The following BCL7A variants were observed in gnomAD, a reference collection of about 807,000 sequenced individuals.
The protein encoded by BCL7A is B-cell CLL/lymphoma 7 protein family member A.
A neutral mutation model predicts 28.4 loss-of-function variants in BCL7A; 11 were observed. The observed-to-expected ratio is 0.39, with a 90% CI of 0.24 to 0.64. BCL7A has a LOEUF of 0.64. BCL7A is among the 30% of genes least tolerant of loss of function. The pLI is 0.50. For missense variants in BCL7A, 222 were observed against 274.8 expected, an observed-to-expected ratio of 0.81 and a Z score of 1.36; for synonymous variants, 123 against 103.3, an observed-to-expected ratio of 1.19 and a Z score of -1.15.
intron 4 of BCL7A, among the ~76,000 whole-genome samples, chr12:122,045,467 G>T (rs1884055867): frequency 6.6e-6 from 1 of 152,126 alleles, no homozygotes; most frequent in East Asian, 1.9e-4. Flanking sequence ...CCACTGCCTG[G>T]CCTGGGTTTT....
chr12:122,024,047 G>A (rs1028168714), intron 1 of BCL7A, among the ~76,000 whole-genome samples: 66 of 152,276 alleles, frequency 4.3e-4, no homozygotes, highest in African/African-American at 1.5e-3. Flanking sequence ...AGGGAGGGCA[G>A]ATGGAGAGAT....
rs760353756 is a variant in BCL7A at position 122,059,642 on chromosome 12, G to T, written c.*479G>T. 2 of 233,812 alleles carry T rather than the reference G, an allele frequency of 8.6e-6. No homozygotes were observed. The highest frequency in any genetic ancestry group is 1.7e-5 in the Non-Finnish European group (2 of 118,530). The allele number at this position is 233,812 out of a possible 1,614,324, so 14.5% of individuals were successfully genotyped here. The stretch of plus-strand genomic sequence containing the variant: ...CCTGGTGGTTCTTACATCCCCCTCT[G>T]CAAAGTGCCCTCTTGGTTTGGTTCG... On this transcript the variant is annotated 3_prime_UTR_variant, in exon 6 of 6. Coordinates refer to ENST00000261822, the MANE Select transcript of BCL7A (RefSeq NM_001024808.3). The surrounding 1 kb of genome is among the most constrained non-coding windows in gnomAD (Gnocchi z 4.0).
intron 4 of BCL7A, among the ~76,000 whole-genome samples, chr12:122,051,058 G>A (rs1884182393): frequency 6.6e-6 from 1 of 152,190 alleles, no homozygotes; most frequent in Non-Finnish European, 1.5e-5. Context: ...CACGTTGGGG[G>A]TGTGTGTCTC....
In BCL7A at chr12:122,034,826, C is replaced by A. The variant is rs1031390925; in HGVS notation, c.175-505C>A. On this transcript the variant is annotated intron_variant, in intron 2 of 5. Transcript: ENST00000261822. ...TCCCGGGGTCCTCCCTCCTTTCTCC[C>A]GGGGTCTTCCTTCCTAACTCCTCTT... is the stretch of plus-strand genomic sequence containing the variant. Among the ~76,000 whole-genome samples the A allele has an allele frequency of 2.0e-5, 3 of 152,240 alleles. No homozygotes were observed. In the East Asian group the frequency reaches 5.8e-4, roughly 29 times the overall value.
At chr12:122,024,129 C>A (rs529787230) in intron 1 of BCL7A, among the ~76,000 whole-genome samples, 1 of 152,330 alleles carries the variant, frequency 6.6e-6, no homozygotes, top group South Asian at 2.1e-4. Context: ...CCGCGGGGAC[C>A]AGGCCTGTAG....
chr12:122,055,340 T>C (rs1183491587), intron 5 of BCL7A, among the ~76,000 whole-genome samples: 7 of 152,228 alleles, frequency 4.6e-5, no homozygotes, highest in Non-Finnish European at 1.0e-4. Context: ...CTGGCCCCAC[T>C]TGCACTGCAT....
intron 3 of BCL7A, 121 bp downstream of exon 3, chr12:122,035,548 G>A (rs1234834288): frequency 4.9e-6 from 4 of 821,778 alleles, no homozygotes; most frequent in African/African-American, 1.7e-5. Flanking sequence ...AGGAGGGCTG[G>A]GCAGGGCCCG....
intron 1 of BCL7A, among the ~76,000 whole-genome samples, chr12:122,023,224 G>C (rs1565933026): frequency 1.3e-5 from 2 of 152,178 alleles, no homozygotes; most frequent in African/African-American, 4.8e-5. Flanking sequence ...AAAACTCCCC[G>C]CTGCCTGATT....
intron 5 of BCL7A, among the ~76,000 whole-genome samples, chr12:122,057,549 A>G (rs888778785): frequency 6.6e-6 from 1 of 152,068 alleles, no homozygotes; most frequent in African/African-American, 2.4e-5. Flanking sequence ...GTGCGGGCGG[A>G]GAGGTGGCTT....
chr12:122,029,123 C>T lies in BCL7A; in HGVS notation c.93-1577C>T, dbSNP rs953439758. Among the ~76,000 whole-genome samples the T allele has an allele frequency of 5.3e-5, 8 of 152,070 alleles. No homozygotes were observed. The highest frequency in any genetic ancestry group is 9.7e-5 in the African/African-American group (4 of 41,390). ...TCTGGGAGAATGAGTTCACCTTCAC[C>T]GCCCTGTGCCTCGGTTTCTTTATCT... On this transcript the variant is annotated intron_variant, in intron 1 of 5. Transcript: ENST00000261822. This position sits in a 1 kb window ranked among gnomAD's most constrained non-coding sequence, Gnocchi z 4.3.
intron 4 of BCL7A, chr12:122,044,277 G>T: frequency 1.9e-6 from 1 of 522,498 alleles, no homozygotes; most frequent in South Asian, 2.8e-5. Context: ...AGGAGGCCAA[G>T]GTGTGAGGAC....
At chr12:122,023,599 T>G (rs1883530369) in intron 1 of BCL7A, among the ~76,000 whole-genome samples, 2 of 152,282 alleles carry the variant, frequency 1.3e-5, no homozygotes, top group African/African-American at 4.8e-5. Context: ...TGGGCTGGGT[T>G]TGGCTCCAGT....
At chr12:122,045,438 G>A (rs1884055105) in intron 4 of BCL7A, among the ~76,000 whole-genome samples, 1 of 152,100 alleles carries the variant, frequency 6.6e-6, no homozygotes, top group South Asian at 2.1e-4. Flanking sequence ...AGCGCCTCAG[G>A]TGTGGGGGGC....
At chr12:122,057,243 C>T (rs1951885047) in intron 5 of BCL7A, among the ~76,000 whole-genome samples, 1 of 152,138 alleles carries the variant, frequency 6.6e-6, no homozygotes, top group Non-Finnish European at 1.5e-5. Context: ...GGTGCAGAGA[C>T]CTCAAGACAG....
chr12:122,029,768 G>T lies in BCL7A; in HGVS notation c.93-932G>T, dbSNP rs545489629. Among the ~76,000 whole-genome samples the T allele has an allele frequency of 6.6e-6, 1 of 152,318 alleles. No individual in the cohort carries two copies. The highest frequency in any genetic ancestry group is 6.5e-5 in the Admixed American group (1 of 15,300). ...CTCCTGAGCCTCAGTCCCCTCAGGG[G>T]TGTGGCTGCTGGGTCTTCGTGGCGG... is the stretch of plus-strand genomic sequence containing the variant. On this transcript the variant is annotated intron_variant, in intron 1 of 5. Coordinates refer to ENST00000261822, the MANE Select transcript of BCL7A (RefSeq NM_001024808.3). This position sits in a 1 kb window ranked among gnomAD's most constrained non-coding sequence, Gnocchi z 4.3.
At chr12:122,024,461 TG>T (rs149219407) in intron 1 of BCL7A, among the ~76,000 whole-genome samples, 21,851 of 63,902 alleles carry the variant, frequency 0.34, 2,089 homozygotes, top group African/African-American at 0.48. Flanking sequence ...TGAGGTTTTT[TG>T]TTTTTTTTTT....
At position 122,021,945 on chromosome 12, in the gene BCL7A, T is replaced by A. The variant is rs1268169672; in HGVS notation, c.-147T>A. ...GTGTGTGTGTATGTGTGTGTGTGTG[T>A]GTGTGTGTGTGTGAGTGTGTGCGTG... On this transcript the variant is annotated 5_prime_UTR_variant, in exon 1 of 6. Coordinates refer to ENST00000261822, the MANE Select transcript of BCL7A (RefSeq NM_001024808.3). 2 of 577,584 alleles carry A rather than the reference T, an allele frequency of 3.5e-6. No homozygotes were observed. The highest frequency in any genetic ancestry group is 6.2e-6 in the Non-Finnish European group (2 of 324,336). The allele number at this position is 577,584 out of a possible 1,614,324, so 35.8% of individuals were successfully genotyped here.
At chr12:122,051,866 CTTTTTTTT>C (rs34244407) in intron 4 of BCL7A, among the ~76,000 whole-genome samples, 14 of 80,332 alleles carry the variant, frequency 1.7e-4, no homozygotes, top group South Asian at 5.2e-4. Flanking sequence ...CTCTCTCTCT[CTTTTTTTT>C]TTTTTTTTTT....
intron 1 of BCL7A, among the ~76,000 whole-genome samples, chr12:122,023,240 T>G (rs1883516069): frequency 6.6e-6 from 1 of 152,160 alleles, no homozygotes; most frequent in African/African-American, 2.4e-5. Context: ...TGATTTCAAC[T>G]TTATTATTTT....
Sources: allele counts gnomAD v4.1 joint callset (sites outside exome capture counted in the v4.1 genomes callset), GRCh38; gene constraint gnomAD v4.1.1; non-coding constraint Gnocchi (gnomAD v3.1); transcripts MANE v1.5; gene names NCBI Gene and HGNC (gene_info 2026-07-23, HGNC 2026-07-21).